EBF2: variants seen among roughly 807,000 people sequenced by gnomAD.
The protein encoded by EBF2 is transcription factor COE2.
EBF2 carries 21 observed loss-of-function variants against 72.8 expected under a neutral mutation model. The ratio of observed to expected loss-of-function variants is 0.29; its 90% CI spans 0.20 to 0.42. The LOEUF (loss-of-function observed/expected upper bound fraction) is 0.42, where lower values mean the gene tolerates loss of function less well. Ranked by LOEUF, EBF2 falls within the 10% of genes least tolerant of loss-of-function variation. The pLI, the probability that EBF2 is intolerant of heterozygous loss-of-function variation, is 1.00. For missense variants in EBF2, 637 were observed against 731.2 expected (o/e 0.87, Z 1.49); for synonymous variants, 299 against 274.2 (o/e 1.09, Z -0.89).
intron 7 of EBF2, among the ~76,000 whole-genome samples, chr8:25,893,628 G>C (rs1802820463): frequency 6.6e-6 from 1 of 152,036 alleles, no homozygotes; most frequent in Non-Finnish European, 1.5e-5. Context: ...GGGGAACCTG[G>C]GCCCTGTCTG....
intron 6 of EBF2, among the ~76,000 whole-genome samples, chr8:25,967,269 G>A (rs1804129706): frequency 6.6e-6 from 1 of 152,196 alleles, no homozygotes; most frequent in Non-Finnish European, 1.5e-5. Flanking sequence ...AGTTTTAGAA[G>A]ATACAAAGAA....
chr8:25,941,475 C>G (rs112835101), intron 6 of EBF2, among the ~76,000 whole-genome samples: 4,270 of 152,192 alleles, frequency 0.028, 186 homozygotes, highest in African/African-American at 0.096. Flanking sequence ...CAAAGCGCTG[C>G]GATTACAGGC....
At chr8:25,929,384 T>C (rs1214262480) in intron 6 of EBF2, among the ~76,000 whole-genome samples, 2 of 152,204 alleles carry the variant, frequency 1.3e-5, no homozygotes, top group Non-Finnish European at 2.9e-5. Context: ...TTTTTCCTTC[T>C]GAAAACATTT....
At chr8:25,846,173 C>T (rs1204226338) in intron 15 of EBF2, among the ~76,000 whole-genome samples, 1 of 152,164 alleles carries the variant, frequency 6.6e-6, no homozygotes, top group East Asian at 1.9e-4. Context: ...CTGGACACTC[C>T]CTGATGACTT....
At position 26,005,216 on chromosome 8, in the gene EBF2, T is replaced by A. The variant is rs1804820068; in HGVS notation, c.551+27869A>T. On this transcript the variant is annotated intron_variant, in intron 6 of 15. Transcript: ENST00000520164. Reference sequence around the variant, plus strand: ...GAGCTGGGAGATGGAGATATATATATATAGAATATATCTATATGTGATATA... The same window carrying A: ...GAGCTGGGAGATGGAGATATATATAAATAGAATATATCTATATGTGATATA... Among the ~76,000 whole-genome samples the A allele has an allele frequency of 2.9e-5, 3 of 104,990 alleles. No homozygotes were observed. In the South Asian group the frequency reaches 8.0e-4, roughly 28 times the overall value. The allele number at this position is 104,990 out of a possible 152,430, so 68.9% of individuals were successfully genotyped here.
At chr8:25,915,768 T>C (rs377063060) in intron 6 of EBF2, among the ~76,000 whole-genome samples, 1 of 152,144 alleles carries the variant, frequency 6.6e-6, no homozygotes, top group East Asian at 1.9e-4. Flanking sequence ...TCACCAAGGC[T>C]AAATTTTGGA....
At chr8:25,877,723 G>A (rs28428657) in intron 10 of EBF2, among the ~76,000 whole-genome samples, 16 of 152,080 alleles carry the variant, frequency 1.1e-4, no homozygotes, top group East Asian at 3.9e-4. Flanking sequence ...GGAGTCTCCC[G>A]CAGGACTCTC....
chr8:25,992,806 A>G (rs1804566076), intron 6 of EBF2, among the ~76,000 whole-genome samples: 1 of 151,542 alleles, frequency 6.6e-6, no homozygotes, highest in Non-Finnish European at 1.5e-5. Context: ...TAGGAGGCTG[A>G]GGTGGGAGGA....
At chr8:25,885,954 CT>C (rs1208746520) in intron 10 of EBF2, among the ~76,000 whole-genome samples, 1 of 152,154 alleles carries the variant, frequency 6.6e-6, no homozygotes, top group Non-Finnish European at 1.5e-5. Context: ...GCTTTTGGTC[CT>C]GCAGGAATGT....
Position 26,044,465 on chromosome 8 carries a change from G to A in EBF2, c.131+264C>T, listed in dbSNP as rs540595383. ...GTTGGGGGCTACTTTATTTTTCCTT[G>A]CAAAGAGTGGACTGTGGTAAAGGAG... On this transcript the variant is annotated intron_variant, in intron 1 of 15. Coordinates refer to ENST00000520164, the MANE Select transcript of EBF2 (RefSeq NM_022659.4). This position sits in a 1 kb window ranked among gnomAD's most constrained non-coding sequence, Gnocchi z 4.1. 1.3e-5 allele frequency among the ~76,000 whole-genome samples: 2 copies of A among 152,346 alleles called. No homozygotes were observed. The highest frequency in any genetic ancestry group is 2.9e-5 in the Non-Finnish European group (2 of 68,038).
rs1159870415 is a variant in EBF2 at position 25,844,101 on chromosome 8, A to G, written c.*508T>C. 1 of 153,194 alleles carries G rather than the reference A, an allele frequency of 6.5e-6. No individual in the cohort carries two copies. 9.5% of individuals were successfully genotyped at this position (153,194 alleles called of 1,614,324 possible). ...TAAGCTATAAGCAAACACACATACA[A>G]CATTTCATCATTCAATTCAGGTTGC... On this transcript the variant is annotated 3_prime_UTR_variant, in exon 16 of 16. Transcript: ENST00000520164.
At chr8:25,988,183 G>C (rs1354508073) in intron 6 of EBF2, among the ~76,000 whole-genome samples, 1 of 151,984 alleles carries the variant, frequency 6.6e-6, no homozygotes, top group African/African-American at 2.4e-5. Context: ...CCCACCCTGG[G>C]GCTCTTCACA....
intron 5 of EBF2, among the ~76,000 whole-genome samples, chr8:26,036,751 C>T (rs983091514): frequency 3.3e-5 from 5 of 152,126 alleles, no homozygotes; most frequent in Non-Finnish European, 7.4e-5. Context: ...TCAATTCTGC[C>T]TTCCCTTTGC....
At chr8:25,968,297 C>A (rs1803965742) in intron 6 of EBF2, among the ~76,000 whole-genome samples, 1 of 151,954 alleles carries the variant, frequency 6.6e-6, no homozygotes, top group African/African-American at 2.4e-5. Context: ...TGTCCATCAA[C>A]AGATGAAAGG....
intron 7 of EBF2, among the ~76,000 whole-genome samples, chr8:25,901,283 C>A (rs182813686): frequency 5.8e-4 from 88 of 151,944 alleles, no homozygotes; most frequent in African/African-American, 1.9e-3. Context: ...TTAGCCAGGC[C>A]TGATGGCACA....
intron 6 of EBF2, among the ~76,000 whole-genome samples, chr8:25,958,629 C>A (rs926727005): frequency 6.6e-6 from 1 of 152,212 alleles, no homozygotes; most frequent in Non-Finnish European, 1.5e-5. Context: ...TGGACCAACT[C>A]CAGCCCAGCT....
At chr8:25,980,133 T>A (rs531613194) in intron 6 of EBF2, among the ~76,000 whole-genome samples, 1 of 152,286 alleles carries the variant, frequency 6.6e-6, no homozygotes, top group Admixed American at 6.5e-5. Flanking sequence ...TGCTACCCCC[T>A]CAGACCACCA....
intron 10 of EBF2, among the ~76,000 whole-genome samples, chr8:25,884,996 A>G (rs1314671760): frequency 5.3e-5 from 8 of 152,148 alleles, no homozygotes; most frequent in Non-Finnish European, 1.2e-4. Flanking sequence ...CTTGGTTTAT[A>G]TATTTCTTTC....
At chr8:25,957,631 G>A (rs538527742) in intron 6 of EBF2, among the ~76,000 whole-genome samples, 33 of 152,318 alleles carry the variant, frequency 2.2e-4, no homozygotes, top group African/African-American at 7.9e-4. Context: ...GGGAGCCCAA[G>A]GTGAGAGGAT....
Sources: gnomAD v4.1 joint callset for allele counts (sites outside exome capture counted in the v4.1 genomes callset) on GRCh38, gnomAD v4.1.1 for gene constraint, Gnocchi (gnomAD v3.1) non-coding constraint, MANE v1.5 for transcripts, NCBI Gene and HGNC (gene_info 2026-07-23, HGNC 2026-07-21) for gene names.